Variants in GRM7 observed in about 807,000 individuals in gnomAD.
The protein encoded by GRM7 is metabotropic glutamate receptor 7.
GRM7 carries 35 observed loss-of-function variants against 84.5 expected under a neutral mutation model. That is an observed-to-expected ratio of 0.41 (90% CI 0.32 to 0.55). The LOEUF (loss-of-function observed/expected upper bound fraction) is 0.55, where lower values mean the gene tolerates loss of function less well. Among genes scored for constraint, GRM7 ranks in the 20% least tolerant of loss-of-function variants. The probability of loss-of-function intolerance (pLI) is 0.19; values close to 1 mark genes in which losing one functional copy is unlikely to be tolerated. For synonymous variants in GRM7, 487 were observed against 455.1 expected (o/e 1.07, Z -0.89); for missense variants, 1,003 against 1,194.6 (o/e 0.84, Z 2.36).
At chr3:7,088,219 C>G (rs1281331885) in intron 1 of GRM7, among the ~76,000 whole-genome samples, 1 of 152,092 alleles carries the variant, frequency 6.6e-6, no homozygotes, top group Admixed American at 6.6e-5. Flanking sequence ...TTGAACTGTC[C>G]CACAGAGGAC....
At chr3:7,381,559 T>C (rs1694592938) in intron 4 of GRM7, among the ~76,000 whole-genome samples, 1 of 152,152 alleles carries the variant, frequency 6.6e-6, no homozygotes, top group Non-Finnish European at 1.5e-5. Context: ...ATACATCAGT[T>C]GGTTCTATGA....
chr3:7,344,912 G>A (rs1692821102), intron 4 of GRM7, among the ~76,000 whole-genome samples: 1 of 152,118 alleles, frequency 6.6e-6, no homozygotes, highest in Non-Finnish European at 1.5e-5. Context: ...AAAACTGGAC[G>A]AGAGGATTTT....
At chr3:6,918,297 G>A (rs564771718) in intron 1 of GRM7, among the ~76,000 whole-genome samples, 3 of 152,284 alleles carry the variant, frequency 2.0e-5, no homozygotes, top group Admixed American at 6.5e-5. Context: ...ATTTTTACAC[G>A]AGAATTTTTG....
chr3:7,072,102 C>T (rs1697904645), intron 1 of GRM7, among the ~76,000 whole-genome samples: 1 of 152,040 alleles, frequency 6.6e-6, no homozygotes, highest in South Asian at 2.1e-4. Context: ...TGGATCATTC[C>T]AGGTGACCGT....
At chr3:7,464,700 C>T (rs369786546) in intron 7 of GRM7, among the ~76,000 whole-genome samples, 126 of 151,788 alleles carry the variant, frequency 8.3e-4, no homozygotes, top group African/African-American at 2.9e-3. Context: ...TGGTGGCGGG[C>T]GCCTGTAGTC....
At chr3:7,468,025 T>G (rs1354417505) in intron 7 of GRM7, among the ~76,000 whole-genome samples, 3 of 152,224 alleles carry the variant, frequency 2.0e-5, no homozygotes, top group African/African-American at 7.2e-5. Context: ...GAAAAGCAGT[T>G]GATTGCCAAA....
intron 1 of GRM7, among the ~76,000 whole-genome samples, chr3:7,020,816 T>G (rs1341958617): frequency 6.6e-6 from 1 of 152,152 alleles, no homozygotes; most frequent in Non-Finnish European, 1.5e-5. Flanking sequence ...GGGCAATTCA[T>G]TGTAAAATAA....
At chr3:7,434,730 T>A (rs1259388228) in intron 5 of GRM7, among the ~76,000 whole-genome samples, 3 of 152,138 alleles carry the variant, frequency 2.0e-5, no homozygotes, top group African/African-American at 7.2e-5. Flanking sequence ...TTTTTAATCA[T>A]GAGTATTGGT....
intron 4 of GRM7, among the ~76,000 whole-genome samples, chr3:7,354,540 G>A (rs759069037): frequency 1.1e-4 from 16 of 152,210 alleles, no homozygotes; most frequent in East Asian, 1.9e-4. Context: ...TAGGAAAATC[G>A]TAAGACAGAA....
chr3:6,862,956 C>T lies in GRM7; in HGVS notation c.519+1049C>T, dbSNP rs996258878. On this transcript the variant is annotated intron_variant, in intron 1 of 9. Transcript: ENST00000357716. This position sits in a 1 kb window ranked among gnomAD's most constrained non-coding sequence, Gnocchi z 5.2. The stretch of plus-strand genomic sequence containing the variant: ...GGGTTCTGCCGCAGTGTTCTCTCGC[C>T]TCCTGCTCCAGCAGCCTCTGCCCCA... 2.2e-6 allele frequency: 1 copy of T among 455,724 alleles called. No homozygotes were observed. The highest frequency in any genetic ancestry group is 4.4e-6 in the Non-Finnish European group (1 of 226,630). The allele number at this position is 455,724 out of a possible 1,614,324, so 28.2% of individuals were successfully genotyped here.
chr3:7,499,741 C>T (rs1025104486), intron 7 of GRM7, among the ~76,000 whole-genome samples: 14 of 152,030 alleles, frequency 9.2e-5, no homozygotes, highest in African/African-American at 3.4e-4. Context: ...CAGCAAAAAC[C>T]TCACAGTTTA....
intron 5 of GRM7, among the ~76,000 whole-genome samples, chr3:7,427,323 G>A (rs1357935196): frequency 6.6e-6 from 1 of 152,058 alleles, no homozygotes; most frequent in Non-Finnish European, 1.5e-5. Flanking sequence ...TCATTGTTAC[G>A]TTCAGTGCTC....
intron 1 of GRM7, among the ~76,000 whole-genome samples, chr3:6,916,394 C>T (rs569533618): frequency 5.9e-5 from 9 of 152,294 alleles, no homozygotes; most frequent in African/African-American, 2.2e-4. Context: ...GCTATTTGAA[C>T]TGAGACCAGA....
chr3:7,369,196 A>C (rs1694034412), intron 4 of GRM7, among the ~76,000 whole-genome samples: 1 of 152,130 alleles, frequency 6.6e-6, no homozygotes, highest in Non-Finnish European at 1.5e-5. Flanking sequence ...CCAGAACTAC[A>C]GGTGCATGCT....
intron 9 of GRM7, among the ~76,000 whole-genome samples, chr3:7,720,977 C>G (rs971616843): frequency 4.6e-5 from 7 of 152,138 alleles, no homozygotes; most frequent in Non-Finnish European, 7.3e-5. Flanking sequence ...AATGCTGGTA[C>G]CTACTTCATA....
chr3:7,442,170 T>C (rs1287569018), intron 5 of GRM7, among the ~76,000 whole-genome samples: 2 of 152,186 alleles, frequency 1.3e-5, no homozygotes, highest in Non-Finnish European at 2.9e-5. Context: ...AGCAGTGTTT[T>C]GTAGTTGTTT....
At chr3:7,241,247 C>T (rs1249069645) in intron 2 of GRM7, among the ~76,000 whole-genome samples, 3 of 152,140 alleles carry the variant, frequency 2.0e-5, no homozygotes, top group African/African-American at 7.2e-5. Flanking sequence ...ATGTAAATTT[C>T]TATATGGAAT....
intron 1 of GRM7, among the ~76,000 whole-genome samples, chr3:6,986,305 A>C (rs1396084060): frequency 6.6e-6 from 1 of 152,248 alleles, no homozygotes; most frequent in Non-Finnish European, 1.5e-5. Context: ...GTGATGGTAT[A>C]ACAGGTACAT....
At chr3:7,565,928 G>A (rs1694234512) in intron 7 of GRM7, among the ~76,000 whole-genome samples, 1 of 152,114 alleles carries the variant, frequency 6.6e-6, no homozygotes, top group Non-Finnish European at 1.5e-5. Context: ...CTTTTTGGAT[G>A]ATATAAATAA....
Sources: allele counts gnomAD v4.1 joint callset (sites outside exome capture counted in the v4.1 genomes callset), GRCh38; gene constraint gnomAD v4.1.1; non-coding constraint Gnocchi (gnomAD v3.1); transcripts MANE v1.5; gene names NCBI Gene and HGNC (gene_info 2026-07-23, HGNC 2026-07-21).